The following ZBTB7C variants were observed in gnomAD, a reference collection of about 807,000 sequenced individuals.
ZBTB7C encodes the protein zinc finger and BTB domain containing 7C.
Under a neutral mutation model 25.7 loss-of-function variants are expected in ZBTB7C, and 8 were observed. That is an observed-to-expected ratio of 0.31 (90% CI 0.18 to 0.56). The LOEUF (loss-of-function observed/expected upper bound fraction) is 0.56, where lower values mean the gene tolerates loss of function less well. Ranked by LOEUF, ZBTB7C falls within the 20% of genes least tolerant of loss-of-function variation. ZBTB7C has a pLI of 0.91. For missense variants in ZBTB7C, 824 were observed against 855.2 expected (o/e 0.96, Z 0.46); for synonymous variants, 394 against 369.0 (o/e 1.07, Z -0.78).
At chr18:48,213,558 T>C (rs1183944597) in intron 2 of ZBTB7C, among the ~76,000 whole-genome samples, 7 of 152,250 alleles carry the variant, frequency 4.6e-5, no homozygotes, top group African/African-American at 1.7e-4. Flanking sequence ...CTCGCCTTTG[T>C]TGGCATCTCA....
intron 2 of ZBTB7C, among the ~76,000 whole-genome samples, chr18:48,227,689 C>T (rs1036044952): frequency 6.6e-6 from 1 of 152,184 alleles, no homozygotes; most frequent in African/African-American, 2.4e-5. Context: ...CCTGTTTTAC[C>T]AAACCCTGCC....
chr18:48,291,542 C>T (rs1247347694), intron 2 of ZBTB7C, among the ~76,000 whole-genome samples: 7 of 152,132 alleles, frequency 4.6e-5, no homozygotes, highest in East Asian at 1.9e-4. Flanking sequence ...CCCAGGCCTG[C>T]GTATCCACCG....
chr18:48,246,163 A>ATT (rs1264269079), intron 2 of ZBTB7C, among the ~76,000 whole-genome samples: 1 of 152,116 alleles, frequency 6.6e-6, no homozygotes, highest in African/African-American at 2.4e-5. Context: ...AGTTAATAAT[A>ATT]AAGCTTAGGC....
chr18:48,121,581 C>G lies in ZBTB7C; in HGVS notation c.-17+64353G>C, dbSNP rs550242754. Among the ~76,000 whole-genome samples, 58 of 152,230 alleles carry G rather than the reference C, an allele frequency of 3.8e-4. No homozygotes were observed. The South Asian group carries it at 6.2e-3, about 16-fold the overall frequency. On this transcript the variant is annotated intron_variant, in intron 3 of 4. Coordinates refer to ENST00000590800, the MANE Select transcript of ZBTB7C (RefSeq NM_001318841.2). ...GTACATACCTGCAGTAACAGTGGCT[C>G]TATGAGGGTGTCTCCCTAGGGCAAA... is the stretch of plus-strand genomic sequence containing the variant.
intron 3 of ZBTB7C, among the ~76,000 whole-genome samples, chr18:48,154,336 G>A (rs1284017640): frequency 6.6e-6 from 1 of 152,232 alleles, no homozygotes; most frequent in African/African-American, 2.4e-5. Context: ...CCTGAGCGGG[G>A]GAGGAGTGCT....
intron 2 of ZBTB7C, among the ~76,000 whole-genome samples, chr18:48,282,926 C>T (rs2044913646): frequency 6.6e-6 from 1 of 152,140 alleles, no homozygotes; most frequent in Non-Finnish European, 1.5e-5. Context: ...GATTTAGATG[C>T]TAGGCTCATG....
chr18:48,189,889 A>T (rs1599066418), intron 2 of ZBTB7C, among the ~76,000 whole-genome samples: 1 of 152,336 alleles, frequency 6.6e-6, no homozygotes, highest in East Asian at 1.9e-4. Flanking sequence ...CTCGGTGACC[A>T]GCCAGTGCTG....
chr18:48,264,966 G>A (rs1008781456), intron 2 of ZBTB7C, among the ~76,000 whole-genome samples: 2 of 152,210 alleles, frequency 1.3e-5, no homozygotes, highest in African/African-American at 2.4e-5. Context: ...GGAAGGTCAC[G>A]GTGAAGTGAG....
chr18:48,094,660 A>C (rs897820797), intron 3 of ZBTB7C, among the ~76,000 whole-genome samples: 21 of 152,172 alleles, frequency 1.4e-4, no homozygotes, highest in Admixed American at 9.2e-4. Context: ...CTAAAAGCAG[A>C]ATTCTAAGAA....
At chr18:48,180,458 T>A (rs2041885082) in intron 3 of ZBTB7C, 3 of 420,290 alleles carry the variant, frequency 7.1e-6, no homozygotes, top group Non-Finnish European at 1.4e-5. Flanking sequence ...ACAGAAGCTT[T>A]CATGTCACCT....
intron 2 of ZBTB7C, among the ~76,000 whole-genome samples, chr18:48,240,881 G>A (rs771826131): frequency 3.3e-5 from 5 of 152,092 alleles, no homozygotes; most frequent in Admixed American, 1.3e-4. Context: ...TGGTCTAAAT[G>A]CTCCACTTAA....
chr18:48,234,760 T>C (rs1490205810), intron 2 of ZBTB7C, among the ~76,000 whole-genome samples: 3 of 152,222 alleles, frequency 2.0e-5, no homozygotes, highest in African/African-American at 7.2e-5. Flanking sequence ...TTTTTGGGAA[T>C]AGTTTATTTA....
At chr18:48,346,423 C>T (rs1444849576) in intron 1 of ZBTB7C, 1 of 152,314 alleles carries the variant, frequency 6.6e-6, no homozygotes, top group African/African-American at 2.4e-5. Context: ...GCTTCCTGTA[C>T]CTCTAATGCA....
chr18:48,092,484 A>G (rs186765842), intron 3 of ZBTB7C, among the ~76,000 whole-genome samples: 71 of 152,368 alleles, frequency 4.7e-4, no homozygotes, highest in African/African-American at 1.6e-3. Flanking sequence ...GATATACTCA[A>G]AGGTGAATCA....
intron 3 of ZBTB7C, among the ~76,000 whole-genome samples, chr18:48,108,938 A>G (rs534183332): frequency 6.6e-6 from 1 of 152,178 alleles, no homozygotes; most frequent in South Asian, 2.1e-4. Flanking sequence ...ACTGTATGAA[A>G]AAGTGGGGAG....
chr18:48,399,652 CT>C (rs2048114719), intron 1 of ZBTB7C, among the ~76,000 whole-genome samples: 1 of 152,180 alleles, frequency 6.6e-6, no homozygotes, highest in Admixed American at 6.5e-5. Flanking sequence ...AGGCAAGCCC[CT>C]TTCCTGTCTG....
chr18:48,191,684 G>C (rs909521380), intron 2 of ZBTB7C, among the ~76,000 whole-genome samples: 2 of 152,206 alleles, frequency 1.3e-5, no homozygotes, highest in African/African-American at 4.8e-5. Context: ...AACAAGGCCT[G>C]GTGTGTTGAG....
At chr18:48,168,974 G>A (rs1473327379) in intron 3 of ZBTB7C, among the ~76,000 whole-genome samples, 2 of 152,218 alleles carry the variant, frequency 1.3e-5, no homozygotes, top group African/African-American at 2.4e-5. Flanking sequence ...GGAAGTGGCT[G>A]AGGTAAGACA....
intron 1 of ZBTB7C, among the ~76,000 whole-genome samples, chr18:48,368,639 G>A (rs72919602): frequency 0.11 from 16,563 of 152,174 alleles, 1,055 homozygotes; most frequent in Non-Finnish European, 0.14. Context: ...GCCAAGACAT[G>A]TCACAGTCAA....
Sources: gnomAD v4.1 joint callset for allele counts (sites outside exome capture counted in the v4.1 genomes callset) on GRCh38, gnomAD v4.1.1 for gene constraint, MANE v1.5 for transcripts, NCBI Gene and HGNC (gene_info 2026-07-23, HGNC 2026-07-21) for gene names.